FAM178B: variants seen among roughly 807,000 people sequenced by gnomAD.
The protein encoded by FAM178B is family with sequence similarity 178 member B.
Under a neutral mutation model 91.7 loss-of-function variants are expected in FAM178B, and 82 were observed. That is an observed-to-expected ratio of 0.89 (90% CI 0.75 to 1.07). The LOEUF is 1.07. FAM178B is among the 50% of genes least tolerant of loss of function. The probability of loss-of-function intolerance (pLI) is 0.00; values close to 1 mark genes in which losing one functional copy is unlikely to be tolerated. For synonymous variants in FAM178B, 368 were observed against 359.4 expected, an observed-to-expected ratio of 1.02 and a Z score of -0.27; for missense variants, 769 against 846.7, an observed-to-expected ratio of 0.91 and a Z score of 1.14.
intron 1 of FAM178B, among the ~76,000 whole-genome samples, chr2:96,985,271 T>G (rs562421878): frequency 7.9e-5 from 12 of 152,282 alleles, no homozygotes; most frequent in African/African-American, 2.4e-4. Flanking sequence ...CTCCTCCATC[T>G]CACATTCTTT....
At chr2:96,925,954 G>A (rs530482661) in intron 9 of FAM178B, among the ~76,000 whole-genome samples, 11 of 152,298 alleles carry the variant, frequency 7.2e-5, no homozygotes, top group African/African-American at 2.6e-4. Flanking sequence ...CCCTGTCAAT[G>A]TGTTAATTGT....
chr2:96,944,284 T>C (rs894932590), intron 8 of FAM178B, among the ~76,000 whole-genome samples: 2 of 149,074 alleles, frequency 1.3e-5, no homozygotes, highest in East Asian at 2.0e-4. Context: ...GTAAATCTCA[T>C]GCATTCAACC....
chr2:96,982,964 C>T (rs2082381680), intron 1 of FAM178B, among the ~76,000 whole-genome samples: 1 of 150,146 alleles, frequency 6.7e-6, no homozygotes, highest in Non-Finnish European at 1.5e-5. Flanking sequence ...CTGCCACCTT[C>T]AGCTCTTGAG....
intron 12 of FAM178B, among the ~76,000 whole-genome samples, chr2:96,904,913 G>A (rs894565282): frequency 6.6e-6 from 1 of 151,812 alleles, no homozygotes; most frequent in Non-Finnish European, 1.5e-5. Flanking sequence ...ACAGGCGCCT[G>A]CCATTACGCC....
chr2:96,890,433 C>T (rs2080645070), intron 14 of FAM178B, among the ~76,000 whole-genome samples: 1 of 152,136 alleles, frequency 6.6e-6, no homozygotes, highest in Non-Finnish European at 1.5e-5. Context: ...CACTGCATTC[C>T]AGCCTGAGCA....
At chr2:96,960,195 T>A in intron 6 of FAM178B, 93 bp downstream of exon 6, 1 of 1,410,058 alleles carries the variant, frequency 7.1e-7, no homozygotes, top group Non-Finnish European at 9.5e-7. Context: ...TCTTCGAACT[T>A]CCCCCTTTGG....
At chr2:96,957,760 C>T (rs2082020438) in intron 6 of FAM178B, among the ~76,000 whole-genome samples, 1 of 152,142 alleles carries the variant, frequency 6.6e-6, no homozygotes, top group Non-Finnish European at 1.5e-5. Context: ...TTCTTTTCAC[C>T]ATCTATCTAT....
chr2:96,923,417 T>C, intron 10 of FAM178B, 73 bp downstream of exon 10: 4 of 1,199,108 alleles, frequency 3.3e-6, no homozygotes, highest in South Asian at 2.6e-5. Context: ...GTGATGCTCC[T>C]GGAATTTAGC....
At chr2:96,876,369 C>T in intron 16 of FAM178B, 61 bp from the exon 17 acceptor site, 3 of 1,559,572 alleles carry the variant, frequency 1.9e-6, no homozygotes, top group Non-Finnish European at 2.6e-6. Context: ...CACTGCCCTG[C>T]AGCTCCCCGG....
At chr2:96,877,739 C>T (rs1358654680) in intron 16 of FAM178B, 151 bp downstream of exon 16, 21 of 727,982 alleles carry the variant, frequency 2.9e-5, no homozygotes, top group East Asian at 1.4e-4. Context: ...CCCCTCAAGG[C>T]GTCCCCACCC....
chr2:96,884,359 C>T (rs2080464651), intron 14 of FAM178B, among the ~76,000 whole-genome samples: 1 of 152,222 alleles, frequency 6.6e-6, no homozygotes, highest in African/African-American at 2.4e-5. Flanking sequence ...CTGTGGACAT[C>T]CCCCTTGGGA....
rs1013089258 is a variant in FAM178B at position 96,876,069 on chromosome 2, TGA to T, written c.*205_*206del. The T allele has an allele frequency of 6.1e-5, 35 of 573,126 alleles. No individual in the cohort carries two copies. The African/African-American group carries it at 7.5e-4, about 12-fold the overall frequency. The allele number at this position is 573,126 out of a possible 1,614,324, so 35.5% of individuals were successfully genotyped here. A position where few individuals can be genotyped will look rare whatever the true frequency, so the allele number is the denominator to read the frequency against. The stretch of plus-strand genomic sequence containing the variant: ...CGAGGCAGAGAGGCCCATCCCTTGC[TGA>T]GAGGAGAGGGGGTCGGGGCGGTGGC... On this transcript the variant is annotated 3_prime_UTR_variant, in exon 17 of 17. Transcript: ENST00000490605.
chr2:96,891,622 C>T (rs2080683200), intron 14 of FAM178B, among the ~76,000 whole-genome samples: 1 of 152,174 alleles, frequency 6.6e-6, no homozygotes, highest in African/African-American at 2.4e-5. Flanking sequence ...CTTTACTTGC[C>T]AAGGGATCAG....
intron 1 of FAM178B, among the ~76,000 whole-genome samples, chr2:96,975,527 A>G (rs996840295): frequency 6.6e-6 from 1 of 152,222 alleles, no homozygotes; most frequent in Admixed American, 6.6e-5. Context: ...TGTAACTGGG[A>G]TATCCATCAC....
intron 12 of FAM178B, among the ~76,000 whole-genome samples, chr2:96,913,498 G>A (rs949657731): frequency 1.3e-5 from 2 of 152,222 alleles, no homozygotes; most frequent in Non-Finnish European, 2.9e-5. Context: ...TGGCCCCACA[G>A]TGAGGAAGTG....
At position 96,918,435 on chromosome 2, in the gene FAM178B, TG is replaced by T. The variant is rs1309432136; in HGVS notation, c.1562+2729del. Among the ~76,000 whole-genome samples, 20 of 152,280 alleles carry T rather than the reference TG, an allele frequency of 1.3e-4. No individual in the cohort carries two copies. In the East Asian group the frequency reaches 3.9e-3, roughly 29 times the overall value. ...TCAGTTTCACTGGCAATCAGGGAAA[TG>T]AAAATTAGAACCACAGGATGATGTT... On this transcript the variant is annotated intron_variant, in intron 12 of 16. Transcript: ENST00000490605.
intron 1 of FAM178B, among the ~76,000 whole-genome samples, chr2:96,975,542 A>G (rs1456020829): frequency 3.3e-5 from 5 of 152,194 alleles, no homozygotes; most frequent in African/African-American, 7.2e-5. Flanking sequence ...CATCACCTTA[A>G]ATGCTTGTCT....
At chr2:96,893,557 C>T (rs563952444) in intron 14 of FAM178B, among the ~76,000 whole-genome samples, 3 of 152,150 alleles carry the variant, frequency 2.0e-5, no homozygotes, top group South Asian at 2.1e-4. Flanking sequence ...GACAACCCTG[C>T]GCTTATCCTG....
chr2:96,894,860 C>T (rs1448943901), intron 13 of FAM178B, among the ~76,000 whole-genome samples: 2 of 94,872 alleles, frequency 2.1e-5, no homozygotes, highest in Non-Finnish European at 4.3e-5. Context: ...CCACACAGAC[C>T]CCCACCCACA....
Sources: allele counts gnomAD v4.1 joint callset (sites outside exome capture counted in the v4.1 genomes callset), GRCh38; gene constraint gnomAD v4.1.1; transcripts MANE v1.5; gene names NCBI Gene and HGNC (gene_info 2026-07-23, HGNC 2026-07-21).